Variants in FAM135B observed in about 807,000 individuals in gnomAD.
The protein encoded by FAM135B is protein FAM135B.
In FAM135B, 43 loss-of-function variants were observed where a neutral mutation model predicts 127.7. The observed-to-expected ratio is 0.34, with a 90% CI of 0.26 to 0.43. FAM135B has a LOEUF of 0.43. Ranked by LOEUF, FAM135B falls within the 20% of genes least tolerant of loss-of-function variation. The pLI, the probability that FAM135B is intolerant of heterozygous loss-of-function variation, is 1.00. For synonymous variants in FAM135B, 670 were observed against 665.1 expected (o/e 1.01, Z -0.11); for missense variants, 1,558 against 1,725.6 (o/e 0.90, Z 1.72).
intron 1 of FAM135B, among the ~76,000 whole-genome samples, chr8:138,405,042 G>A (rs1833383498): frequency 6.6e-6 from 1 of 152,046 alleles, no homozygotes; most frequent in Admixed American, 6.6e-5. Context: ...TGCAGCTATA[G>A]CCTCACTAAA....
Position 138,476,997 on chromosome 8 carries a change from A to T in FAM135B, c.-20+19674T>A, listed in dbSNP as rs146635885. On this transcript the variant is annotated intron_variant, in intron 1 of 19. Coordinates refer to ENST00000395297, the MANE Select transcript of FAM135B (RefSeq NM_015912.4). The stretch of plus-strand genomic sequence containing the variant: ...AAGAACCAAGAAGCAATGCCTATGG[A>T]GTTCTTGTGAGAGAGAAATGGTTCC... Among the ~76,000 whole-genome samples, 23 of 152,314 alleles carry T rather than the reference A, an allele frequency of 1.5e-4. No individual in the cohort carries two copies. The East Asian group carries it at 4.3e-3, about 28-fold the overall frequency.
intron 1 of FAM135B, among the ~76,000 whole-genome samples, chr8:138,489,391 C>T (rs200447815): frequency 1.3e-5 from 2 of 152,210 alleles, no homozygotes; most frequent in East Asian, 3.9e-4. Context: ...CAAGTTGGTC[C>T]TCCTGTCTCC....
intron 7 of FAM135B, among the ~76,000 whole-genome samples, chr8:138,232,248 G>T (rs1007530085): frequency 1.4e-4 from 12 of 88,814 alleles, no homozygotes; most frequent in South Asian, 2.5e-4. Context: ...AGGACATAGT[G>T]GGGGGGAGCC....
intron 18 of FAM135B, among the ~76,000 whole-genome samples, chr8:138,137,846 G>A (rs1280536659): frequency 6.6e-6 from 1 of 152,030 alleles, no homozygotes; most frequent in East Asian, 1.9e-4. Flanking sequence ...ATCCCTGCAG[G>A]CCTCAGAGCC....
At chr8:138,283,245 G>T (rs28703601) in intron 3 of FAM135B, among the ~76,000 whole-genome samples, 17,824 of 151,970 alleles carry the variant, frequency 0.12, 1,069 homozygotes, top group Non-Finnish European at 0.13. Flanking sequence ...AATAAACTGT[G>T]GTACGTCCAT....
intron 1 of FAM135B, among the ~76,000 whole-genome samples, chr8:138,461,277 G>A (rs946492227): frequency 6.6e-6 from 1 of 151,978 alleles, no homozygotes; most frequent in Non-Finnish European, 1.5e-5. Flanking sequence ...AGGGTGCTGG[G>A]GATGCATCCT....
Position 138,137,239 on chromosome 8 carries a change from A to G in FAM135B, c.3923T>C (p.Val1308Ala). 6.2e-7 allele frequency: 1 copy of G among 1,608,126 alleles called. No homozygotes were observed. Among genetic ancestry groups the G allele is most frequent in the Non-Finnish European group, 8.5e-7 (1 of 1,174,466 alleles). The change falls in exon 19 of 20, where the codon GTC (valine) becomes GCC (alanine). Residue 1308 changes from valine to alanine, a missense_variant. Physicochemically the swap from Val to Ala is moderately conservative, Grantham distance 64. Around this residue, in one of 5 missense-constraint regions of FAM135B, gnomAD observed 194 missense variants for 333.8 expected, o/e 0.58. Coordinates refer to ENST00000395297, the MANE Select transcript of FAM135B (RefSeq NM_015912.4). ...GTCTTGGGGAGAAGCAACCAGCACGACGTTTTTAAAATACTGCAGCCCTGT... is the reference window on the plus strand; with the variant it reads ...GTCTTGGGGAGAAGCAACCAGCACGGCGTTTTTAAAATACTGCAGCCCTGT... ...QKTGLQYFKN[V>A]VLVASPQDRY...
chr8:138,355,192 C>A (rs1183138747), intron 2 of FAM135B, among the ~76,000 whole-genome samples: 1 of 152,058 alleles, frequency 6.6e-6, no homozygotes, highest in African/African-American at 2.4e-5. Flanking sequence ...CTAGAAATAC[C>A]ATTTGACCCA....
intron 1 of FAM135B, among the ~76,000 whole-genome samples, chr8:138,479,025 T>A (rs377608938): frequency 1.4e-4 from 21 of 152,332 alleles, no homozygotes; most frequent in African/African-American, 5.1e-4. Flanking sequence ...GTTTAATGAT[T>A]TCTTAGAACA....
At position 138,165,365 on chromosome 8, in the gene FAM135B, C is replaced by A. The variant is rs192545361; in HGVS notation, c.1258+2530G>T. 3.3e-5 allele frequency among the ~76,000 whole-genome samples: 5 copies of A among 152,152 alleles called. No homozygotes were observed. The South Asian group carries it at 1.0e-3, about 32-fold the overall frequency. Reference sequence around the variant, plus strand: ...GAACTCCCGACCTCAGGTGATCCACCCGCCTCAGCCTCCCAAAGTGCAGAG... The same window carrying A: ...GAACTCCCGACCTCAGGTGATCCACACGCCTCAGCCTCCCAAAGTGCAGAG... On this transcript the variant is annotated intron_variant, in intron 12 of 19. Transcript: ENST00000395297.
chr8:138,455,316 G>C (rs946372349), intron 1 of FAM135B, among the ~76,000 whole-genome samples: 1 of 152,134 alleles, frequency 6.6e-6, no homozygotes. Context: ...TTGCACAATT[G>C]TCATAGATTT....
intron 1 of FAM135B, among the ~76,000 whole-genome samples, chr8:138,448,817 G>GA (rs1426852663): frequency 2.7e-5 from 4 of 149,270 alleles, no homozygotes; most frequent in East Asian, 3.9e-4. Context: ...CTAGGAATCA[G>GA]AAAAAAAAAG....
intron 6 of FAM135B, among the ~76,000 whole-genome samples, chr8:138,247,438 G>T (rs4033106): frequency 5.9e-5 from 9 of 152,084 alleles, no homozygotes; most frequent in Admixed American, 3.9e-4. Flanking sequence ...GTTTTATAAG[G>T]GCCTTTTATC....
intron 3 of FAM135B, 28 bp from the exon 4 acceptor site, chr8:138,265,870 A>C (rs1373999944): frequency 6.2e-7 from 1 of 1,609,594 alleles, no homozygotes; most frequent in Non-Finnish European, 8.5e-7. Context: ...GTAGGAACCC[A>C]TGAACTCCAA....
chr8:138,348,376 C>A (rs1475723958), intron 2 of FAM135B, among the ~76,000 whole-genome samples: 1 of 152,072 alleles, frequency 6.6e-6, no homozygotes, highest in Non-Finnish European at 1.5e-5. Flanking sequence ...CTCAGGTGAT[C>A]CGCCCACCTC....
chr8:138,365,490 AG>A lies in FAM135B; in HGVS notation c.77+2416del, dbSNP rs547361237. On this transcript the variant is annotated intron_variant, in intron 2 of 19. Coordinates refer to ENST00000395297, the MANE Select transcript of FAM135B (RefSeq NM_015912.4). ...TGCATTGTAAGTATTTATGCTTACA[AG>A]TCTATATATCAAATAGTTTTTAAAA... Among the ~76,000 whole-genome samples the A allele has an allele frequency of 1.2e-4, 18 of 152,142 alleles. No individual in the cohort carries two copies. The South Asian group carries it at 3.5e-3, about 30-fold the overall frequency.
chr8:138,351,163 G>T (rs562320629), intron 2 of FAM135B, among the ~76,000 whole-genome samples: 74 of 152,302 alleles, frequency 4.9e-4, no homozygotes, highest in African/African-American at 1.8e-3. Flanking sequence ...GATGTCACCT[G>T]TACAGGCTGA....
chr8:138,435,063 T>C (rs1835386175), intron 1 of FAM135B, among the ~76,000 whole-genome samples: 1 of 152,146 alleles, frequency 6.6e-6, no homozygotes, highest in Admixed American at 6.5e-5. Flanking sequence ...ATCCCAGCAC[T>C]TTGGGAGGCC....
chr8:138,189,761 A>G (rs1340933937), intron 9 of FAM135B, among the ~76,000 whole-genome samples: 2 of 152,146 alleles, frequency 1.3e-5, no homozygotes, highest in Admixed American at 1.3e-4. Context: ...TCCAGTGCCT[A>G]CGCTCCAGTT....
Sources: gnomAD v4.1 joint callset for allele counts (sites outside exome capture counted in the v4.1 genomes callset) on GRCh38, gnomAD v4.1.1 for gene constraint, gnomAD v4.1.1 regional missense constraint, MANE v1.5 for transcripts, NCBI Gene and HGNC (gene_info 2026-07-23, HGNC 2026-07-21) for gene names.